CADM2: variants seen among roughly 807,000 people sequenced by gnomAD.
CADM2 encodes cell adhesion molecule 2, also known as immunoglobulin superfamily member 4D.
In CADM2, 12 loss-of-function variants were observed where a neutral mutation model predicts 49.8. That is an observed-to-expected ratio of 0.24 (90% CI 0.15 to 0.39). The LOEUF is 0.39. Among genes scored for constraint, CADM2 ranks in the 10% least tolerant of loss-of-function variants. CADM2 has a pLI of 1.00. For missense variants in CADM2, 378 were observed against 492.3 expected, an observed-to-expected ratio of 0.77 and a Z score of 2.20; for synonymous variants, 214 against 175.4, an observed-to-expected ratio of 1.22 and a Z score of -1.74.
chr3:85,087,055 A>G (rs887571834), intron 1 of CADM2, among the ~76,000 whole-genome samples: 2 of 152,186 alleles, frequency 1.3e-5, no homozygotes, highest in Admixed American at 6.5e-5. Flanking sequence ...ATAAAACATA[A>G]AGATAAAATT....
intron 1 of CADM2, among the ~76,000 whole-genome samples, chr3:85,434,188 T>G (rs2036820618): frequency 6.6e-6 from 1 of 152,020 alleles, no homozygotes; most frequent in African/African-American, 2.4e-5. Context: ...CTAGTATTAT[T>G]CATTAATAAA....
At position 85,062,380 on chromosome 3, in the gene CADM2, T is replaced by TA. The variant is rs1401108733; in HGVS notation, c.61+102713dup. On this transcript the variant is annotated intron_variant, in intron 1 of 9. Coordinates refer to ENST00000383699, the MANE Select transcript of CADM2 (RefSeq NM_001167675.2). ...CTAACCAACATTATGATCACCCTTTTATGCTTTTATTAATAGCAACATTAA... is the reference window on the plus strand; with the variant it reads ...CTAACCAACATTATGATCACCCTTTTAATGCTTTTATTAATAGCAACATTAA... 8.5e-5 allele frequency among the ~76,000 whole-genome samples: 13 copies of TA among 152,218 alleles called. No individual in the cohort carries two copies. The East Asian group carries it at 2.5e-3, about 29-fold the overall frequency.
intron 8 of CADM2, chr3:86,014,463 G>T (rs1287799481): frequency 2.0e-6 from 3 of 1,496,382 alleles, no homozygotes; most frequent in East Asian, 4.6e-5. Flanking sequence ...CACAAATTTG[G>T]TAACCAAACT....
At chr3:85,443,166 T>G (rs1294975516) in intron 1 of CADM2, among the ~76,000 whole-genome samples, 2 of 152,142 alleles carry the variant, frequency 1.3e-5, no homozygotes, top group Non-Finnish European at 2.9e-5. Context: ...AGGGTGTGTT[T>G]GAAGCTCTGT....
chr3:85,770,793 C>T (rs180861806), intron 2 of CADM2, among the ~76,000 whole-genome samples: 65 of 152,230 alleles, frequency 4.3e-4, no homozygotes, highest in Admixed American at 2.4e-3. Flanking sequence ...CGTTCATGCA[C>T]CTATTTAAGG....
At chr3:85,983,658 A>G (rs1727735151) in intron 8 of CADM2, among the ~76,000 whole-genome samples, 2 of 151,778 alleles carry the variant, frequency 1.3e-5, no homozygotes, top group South Asian at 2.1e-4. Flanking sequence ...TACAGTTTTA[A>G]TCTGGCAAAA....
chr3:85,369,686 A>G (rs915794347), intron 1 of CADM2, among the ~76,000 whole-genome samples: 6 of 152,156 alleles, frequency 3.9e-5, no homozygotes, highest in African/African-American at 1.4e-4. Context: ...TTGTTCAACT[A>G]AAAGTTTTTT....
chr3:85,098,095 G>A (rs2037871489), intron 1 of CADM2, among the ~76,000 whole-genome samples: 2 of 152,130 alleles, frequency 1.3e-5, no homozygotes, highest in Non-Finnish European at 2.9e-5. Flanking sequence ...ATATGTTCCA[G>A]CAACCATGTG....
chr3:85,363,506 A>G (rs187126338), intron 1 of CADM2, among the ~76,000 whole-genome samples: 1 of 149,288 alleles, frequency 6.7e-6, no homozygotes, highest in East Asian at 1.9e-4. Flanking sequence ...AGTGTCATTT[A>G]AAAAAAAAAG....
At chr3:85,013,817 T>C (rs980508331) in intron 1 of CADM2, among the ~76,000 whole-genome samples, 4 of 147,664 alleles carry the variant, frequency 2.7e-5, no homozygotes, top group Non-Finnish European at 4.5e-5. Context: ...TTAATTTTAA[T>C]TATAATTAAT....
At chr3:85,611,316 G>T (rs1311316546) in intron 1 of CADM2, among the ~76,000 whole-genome samples, 4 of 151,306 alleles carry the variant, frequency 2.6e-5, no homozygotes. Context: ...TTAGCAATAT[G>T]CCTCCATTAA....
At chr3:85,700,801 A>C (rs1049566542) in intron 1 of CADM2, among the ~76,000 whole-genome samples, 6 of 152,278 alleles carry the variant, frequency 3.9e-5, no homozygotes, top group African/African-American at 1.4e-4. Flanking sequence ...TTTTGGTCAT[A>C]ACAACTTAAC....
chr3:85,777,461 G>A (rs550366535), intron 2 of CADM2, among the ~76,000 whole-genome samples: 3 of 151,862 alleles, frequency 2.0e-5, no homozygotes, highest in Non-Finnish European at 4.4e-5. Flanking sequence ...CTACTCATTT[G>A]CCAGGCTGGT....
chr3:85,609,151 C>G (rs970705154), intron 1 of CADM2, among the ~76,000 whole-genome samples: 2 of 151,870 alleles, frequency 1.3e-5, no homozygotes, highest in African/African-American at 4.8e-5. Flanking sequence ...GAGAGAAGCC[C>G]ACTCCTGGTG....
rs1454625232 is a variant in CADM2 at position 85,356,966 on chromosome 3, G to C, written c.62-369556G>C. On this transcript the variant is annotated intron_variant, in intron 1 of 9. Transcript: ENST00000383699. ...ACCTTCCACTCACTGCTGGGATATA[G>C]AAGTATGAAGATTAGTTGGTACCAG... Among the ~76,000 whole-genome samples the C allele has an allele frequency of 3.3e-5, 5 of 152,122 alleles. 1 individual carries two copies. Among genetic ancestry groups the C allele is most frequent in the African/African-American group, 1.2e-4 (5 of 41,442 alleles).
intron 1 of CADM2, among the ~76,000 whole-genome samples, chr3:85,324,530 G>T (rs1340186502): frequency 1.3e-5 from 2 of 152,062 alleles, no homozygotes; most frequent in Admixed American, 1.3e-4. Flanking sequence ...TGAATTAAAG[G>T]TGAGTAAAAC....
At chr3:85,435,556 G>A (rs1451101790) in intron 1 of CADM2, among the ~76,000 whole-genome samples, 2 of 152,136 alleles carry the variant, frequency 1.3e-5, no homozygotes, top group Non-Finnish European at 2.9e-5. Flanking sequence ...TGGGTCAAAC[G>A]GTATTTCTGG....
intron 1 of CADM2, among the ~76,000 whole-genome samples, chr3:85,449,052 A>AATAATAATAATAATAAT (rs2037616655): frequency 1.9e-5 from 2 of 107,406 alleles, no homozygotes; most frequent in Admixed American, 2.1e-4. Flanking sequence ...TCCAACTCAA[A>AATAATAATAATAATAAT]AATAATAATA....
Position 85,011,853 on chromosome 3 carries a change from C to G in CADM2, c.61+52185C>G, listed in dbSNP as rs151300301. Reference sequence around the variant, plus strand: ...TGCCACTGCACTACAACCGGGGTTACAAAGAAAGACCCTGTCTCAAAAAAT... The same window carrying G: ...TGCCACTGCACTACAACCGGGGTTAGAAAGAAAGACCCTGTCTCAAAAAAT... On this transcript the variant is annotated intron_variant, in intron 1 of 9. Coordinates refer to ENST00000383699, the MANE Select transcript of CADM2 (RefSeq NM_001167675.2). Among the ~76,000 whole-genome samples the G allele has an allele frequency of 2.6e-5, 4 of 151,490 alleles. No individual in the cohort carries two copies. The East Asian group carries it at 7.8e-4, about 29-fold the overall frequency.
Sources: allele counts gnomAD v4.1 joint callset (sites outside exome capture counted in the v4.1 genomes callset), GRCh38; gene constraint gnomAD v4.1.1; transcripts MANE v1.5; gene names NCBI Gene and HGNC (gene_info 2026-07-23, HGNC 2026-07-21).